MARCHF7: variants seen among roughly 807,000 people sequenced by gnomAD.
MARCHF7 encodes the protein E3 ubiquitin-protein ligase MARCHF7.
Under a neutral mutation model 76.5 loss-of-function variants are expected in MARCHF7, and 20 were observed. The ratio of observed to expected loss-of-function variants is 0.26; its 90% CI spans 0.18 to 0.38. The LOEUF (loss-of-function observed/expected upper bound fraction) is 0.38, where lower values mean the gene tolerates loss of function less well. Among genes scored for constraint, MARCHF7 ranks in the 10% least tolerant of loss-of-function variants. MARCHF7 has a pLI of 1.00. For missense variants in MARCHF7, 797 were observed against 812.9 expected (o/e 0.98, Z 0.24); for synonymous variants, 295 against 293.0 (o/e 1.01, Z -0.07).
At chr2:159,718,741 T>G (rs776008705) in intron 3 of MARCHF7, among the ~76,000 whole-genome samples, 3 of 152,204 alleles carry the variant, frequency 2.0e-5, no homozygotes, top group Non-Finnish European at 2.9e-5. Flanking sequence ...TTCCTCCTAA[T>G]GTTCTCTTAA....
intron 3 of MARCHF7, among the ~76,000 whole-genome samples, chr2:159,720,302 G>A (rs940780113): frequency 1.3e-5 from 2 of 152,184 alleles, no homozygotes; most frequent in Non-Finnish European, 2.9e-5. Flanking sequence ...GGGATTACAG[G>A]CATGAGCCAC....
At chr2:159,751,926 G>C (rs530380473) in intron 7 of MARCHF7, among the ~76,000 whole-genome samples, 3 of 152,166 alleles carry the variant, frequency 2.0e-5, no homozygotes, top group Non-Finnish European at 4.4e-5. Flanking sequence ...CTACAAGCCA[G>C]TATGTGTTTA....
At chr2:159,760,490 C>A (rs1208973449) in intron 9 of MARCHF7, among the ~76,000 whole-genome samples, 1 of 152,164 alleles carries the variant, frequency 6.6e-6, no homozygotes, top group Non-Finnish European at 1.5e-5. Context: ...AAATCACTTT[C>A]AGCAATGAAA....
chr2:159,726,190 C>T (rs1444269075), intron 3 of MARCHF7, among the ~76,000 whole-genome samples: 3 of 152,076 alleles, frequency 2.0e-5, no homozygotes, highest in African/African-American at 7.2e-5. Flanking sequence ...GGGGAAGAAT[C>T]TGAAGCTCTA....
chr2:159,764,260 G>A (rs536589971), intron 10 of MARCHF7, among the ~76,000 whole-genome samples: 57 of 147,512 alleles, frequency 3.9e-4, no homozygotes, highest in Non-Finnish European at 7.9e-4. Context: ...GTGTGTGCGC[G>A]CGCCCACTGA....
chr2:159,717,764 CTAAG>C (rs1425748226), intron 3 of MARCHF7, among the ~76,000 whole-genome samples: 2 of 151,950 alleles, frequency 1.3e-5, no homozygotes. Context: ...TTTTTGAAAA[CTAAG>C]TATAAAGAAG....
At chr2:159,743,729 G>A (rs1052358608) in intron 5 of MARCHF7, among the ~76,000 whole-genome samples, 6 of 65,412 alleles carry the variant, frequency 9.2e-5, no homozygotes, top group Admixed American at 2.1e-4. Context: ...GTGAGACCCT[G>A]TTTCTACCAA....
At chr2:159,744,544 C>G (rs1704609892) in intron 5 of MARCHF7, among the ~76,000 whole-genome samples, 1 of 152,178 alleles carries the variant, frequency 6.6e-6, no homozygotes, top group Non-Finnish European at 1.5e-5. Context: ...TAAGAGGAGC[C>G]AAAACTTGTG....
At chr2:159,733,363 G>C in intron 4 of MARCHF7, 1 of 451,458 alleles carries the variant, frequency 2.2e-6, no homozygotes, top group Non-Finnish European at 2.9e-6. Flanking sequence ...TCAGCCTCCT[G>C]AGTAGCTTGA....
Position 159,770,866 on chromosome 2 carries a change from A to G in MARCHF7, c.*3524A>G, listed in dbSNP as rs1418072827. 2.0e-5 allele frequency: 3 copies of G among 152,116 alleles called. No homozygotes were observed. Among genetic ancestry groups the G allele is most frequent in the South Asian group, 4.1e-4 (2 of 4,832 alleles). 9.4% of individuals were successfully genotyped at this position (152,116 alleles called of 1,614,324 possible). A position where few individuals can be genotyped will look rare whatever the true frequency, so the allele number is the denominator to read the frequency against. ...CCCCATTGATAAGTGATACGTGACT[A>G]ATTTACGTGAAATTTATACATTCTT... On this transcript the variant is annotated 3_prime_UTR_variant, in exon 12 of 12. Coordinates refer to ENST00000409175, the MANE Select transcript of MARCHF7 (RefSeq NM_001282805.2).
At chr2:159,739,526 T>C (rs1327001412) in intron 4 of MARCHF7, among the ~76,000 whole-genome samples, 1 of 152,248 alleles carries the variant, frequency 6.6e-6, no homozygotes, top group Non-Finnish European at 1.5e-5. Context: ...GGATTCGTCA[T>C]GCCCAATGTG....
intron 4 of MARCHF7, among the ~76,000 whole-genome samples, chr2:159,735,731 G>T (rs1219611189): frequency 6.6e-6 from 1 of 152,054 alleles, no homozygotes; most frequent in African/African-American, 2.4e-5. Flanking sequence ...ATTTTCTGAT[G>T]GACATTTGGG....
chr2:159,747,717 G>A, intron 6 of MARCHF7, 88 bp from the exon 7 acceptor site: 1 of 1,270,918 alleles, frequency 7.9e-7, no homozygotes, highest in Non-Finnish European at 1.1e-6. Context: ...TTTGAATCCA[G>A]TGCTTCGTTT....
At chr2:159,725,986 A>G (rs1456151770) in intron 3 of MARCHF7, among the ~76,000 whole-genome samples, 1 of 152,218 alleles carries the variant, frequency 6.6e-6, no homozygotes, top group East Asian at 1.9e-4. Context: ...ACATGACCAC[A>G]AAAGAGTCTG....
At chr2:159,718,999 A>G (rs1021511931) in intron 3 of MARCHF7, among the ~76,000 whole-genome samples, 6 of 151,934 alleles carry the variant, frequency 3.9e-5, no homozygotes, top group Non-Finnish European at 5.9e-5. Context: ...GCTTATTATT[A>G]TTATTTTCAG....
rs1708130420 is a variant in MARCHF7 at position 159,771,017 on chromosome 2, G to T, written c.*3675G>T. 1 of 152,128 alleles carries T rather than the reference G, an allele frequency of 6.6e-6. No individual in the cohort carries two copies. The highest frequency in any genetic ancestry group is 1.5e-5 in the Non-Finnish European group (1 of 67,966). 9.4% of individuals were successfully genotyped at this position (152,128 alleles called of 1,614,324 possible). ...GTACAATAAATGCACTGAAAACTTT[G>T]ATCACTGTCACTACAGTTGTACTTA... On this transcript the variant is annotated 3_prime_UTR_variant, in exon 12 of 12. Coordinates refer to ENST00000409175, the MANE Select transcript of MARCHF7 (RefSeq NM_001282805.2).
At chr2:159,756,686 T>C (rs1170264292) in intron 8 of MARCHF7, among the ~76,000 whole-genome samples, 1 of 29,892 alleles carries the variant, frequency 3.3e-5, no homozygotes, top group East Asian at 9.1e-4. Context: ...ACACTCAGTC[T>C]CAAAAAAAAA....
intron 9 of MARCHF7, among the ~76,000 whole-genome samples, chr2:159,760,087 C>G (rs1195781457): frequency 6.6e-6 from 1 of 152,234 alleles, no homozygotes; most frequent in African/African-American, 2.4e-5. Context: ...AAAGAAAACC[C>G]TCTACCCATT....
At chr2:159,760,709 T>TTTTTTG (rs889002313) in intron 9 of MARCHF7, among the ~76,000 whole-genome samples, 30 of 49,438 alleles carry the variant, frequency 6.1e-4, no homozygotes, top group East Asian at 5.0e-3. Flanking sequence ...AGTTTTTTCC[T>TTTTTTG]TTTTTGTTTT....
Sources: gnomAD v4.1 joint callset for allele counts (sites outside exome capture counted in the v4.1 genomes callset) on GRCh38, gnomAD v4.1.1 for gene constraint, MANE v1.5 for transcripts, NCBI Gene and HGNC (gene_info 2026-07-23, HGNC 2026-07-21) for gene names.